SCUBE1: variants seen among roughly 807,000 people sequenced by gnomAD.
The protein encoded by SCUBE1 is signal peptide, CUB domain and EGF like domain containing 1, also known as signal peptide, CUB and EGF-like domain-containing protein 1.
SCUBE1 carries 59 observed loss-of-function variants against 124.4 expected under a neutral mutation model. The observed-to-expected ratio is 0.47, with a 90% CI of 0.38 to 0.59. The LOEUF is 0.59. SCUBE1 is among the 20% of genes least tolerant of loss of function. The pLI is 0.00. For missense variants in SCUBE1, 1,150 were observed against 1,371.2 expected, an observed-to-expected ratio of 0.84 and a Z score of 2.55; for synonymous variants, 545 against 550.9, an observed-to-expected ratio of 0.99 and a Z score of 0.15.
chr22:43,231,653 C>A, intron 8 of SCUBE1, 100 bp downstream of exon 8: 1 of 1,436,980 alleles, frequency 7.0e-7, no homozygotes, highest in South Asian at 1.3e-5. Flanking sequence ...CAGCCCCATC[C>A]GCATTCCCCT....
intron 21 of SCUBE1, among the ~76,000 whole-genome samples, chr22:43,204,899 G>A (rs932192727): frequency 4.0e-5 from 6 of 150,738 alleles, no homozygotes; most frequent in African/African-American, 1.5e-4. Flanking sequence ...AGCCGAGAGT[G>A]TGCCACTGCA....
chr22:43,217,109 CCCACCCCCCAT>C (rs1384933692), intron 15 of SCUBE1, among the ~76,000 whole-genome samples: 2 of 105,840 alleles, frequency 1.9e-5, no homozygotes, highest in Admixed American at 8.1e-5. Flanking sequence ...TCCCCCAACC[CCCACCCCCCAT>C]CCGCCAGGTG....
chr22:43,288,940 T>TAAG (rs1925252168), intron 4 of SCUBE1, among the ~76,000 whole-genome samples: 1 of 152,150 alleles, frequency 6.6e-6, no homozygotes, highest in African/African-American at 2.4e-5. Flanking sequence ...TAGGGGACGC[T>TAAG]AAGGTTTGTA....
At chr22:43,205,405 G>T (rs1038123807) in intron 21 of SCUBE1, among the ~76,000 whole-genome samples, 15 of 151,998 alleles carry the variant, frequency 9.9e-5, no homozygotes, top group Admixed American at 2.0e-4. Flanking sequence ...CCTGGCGGAG[G>T]TCTGGTTCCT....
intron 6 of SCUBE1, among the ~76,000 whole-genome samples, chr22:43,240,698 G>C (rs1286687687): frequency 1.3e-5 from 2 of 152,210 alleles, no homozygotes; most frequent in African/African-American, 4.8e-5. Context: ...CCGCTTACAA[G>C]GGCCTGGCTT....
intron 3 of SCUBE1, among the ~76,000 whole-genome samples, chr22:43,298,156 C>T (rs1037080353): frequency 1.3e-5 from 2 of 152,228 alleles, no homozygotes; most frequent in Non-Finnish European, 2.9e-5. Context: ...AAATGAGAAC[C>T]AGATGGATTA....
intron 2 of SCUBE1, among the ~76,000 whole-genome samples, chr22:43,333,806 T>C (rs972676926): frequency 6.6e-6 from 1 of 152,164 alleles, no homozygotes; most frequent in African/African-American, 2.4e-5. Flanking sequence ...TCACTTTACC[T>C]CTCCATGCCT....
rs772470391 is a variant in SCUBE1 at position 43,207,102 on chromosome 22, C to T, written c.2814+432G>A. ...AGTACCCACCATGTGACACACCAGG[C>T]GGCCCTGCCTCTCCAGGCTGGAAGC... is the stretch of plus-strand genomic sequence containing the variant. On this transcript the variant is annotated intron_variant, in intron 21 of 21. Coordinates refer to ENST00000360835, the MANE Select transcript of SCUBE1 (RefSeq NM_173050.5). Among the ~76,000 whole-genome samples the T allele has an allele frequency of 6.6e-5, 10 of 152,288 alleles. No individual in the cohort carries two copies. In the East Asian group the frequency reaches 1.7e-3, roughly 26 times the overall value.
At chr22:43,267,126 G>C (rs957243936) in intron 4 of SCUBE1, among the ~76,000 whole-genome samples, 1 of 152,200 alleles carries the variant, frequency 6.6e-6, no homozygotes, top group African/African-American at 2.4e-5. Flanking sequence ...ATTCTGCCTC[G>C]TAGGAAATCG....
chr22:43,339,010 C>G (rs2146804507), intron 2 of SCUBE1, 94 bp downstream of exon 2: 4 of 1,433,974 alleles, frequency 2.8e-6, no homozygotes, highest in Middle Eastern at 3.6e-4. Flanking sequence ...GCTGGAGGCT[C>G]AGCCCCAGCT....
At chr22:43,265,714 G>A (rs539271529) in intron 4 of SCUBE1, among the ~76,000 whole-genome samples, 3 of 152,334 alleles carry the variant, frequency 2.0e-5, no homozygotes, top group Admixed American at 6.5e-5. Context: ...TCTGATGGAC[G>A]TGTTTATGTG....
rs1266625595 is a variant in SCUBE1, at chr22:43,255,970, C to T, written c.727+2249G>A. ...TACGGAGACACAAGTGATTACAGAC[C>T]CCCGTGGCTCAGGCTGGAGAGGCAG... On this transcript the variant is annotated intron_variant, in intron 6 of 21. Transcript: ENST00000360835. This position sits in a 1 kb window ranked among gnomAD's most constrained non-coding sequence, Gnocchi z 4.7. 6.6e-6 allele frequency among the ~76,000 whole-genome samples: 1 copy of T among 152,070 alleles called. No individual in the cohort carries two copies. The highest frequency in any genetic ancestry group is 1.5e-5 in the Non-Finnish European group (1 of 68,014).
intron 1 of SCUBE1, among the ~76,000 whole-genome samples, 191 bp downstream of exon 1, chr22:43,342,983 G>A (rs1440747655): frequency 6.7e-6 from 1 of 149,962 alleles, no homozygotes; most frequent in African/African-American, 2.4e-5. Context: ...CCGGACTCAG[G>A]AGCCCCGGCC....
At chr22:43,269,091 C>T (rs1386285631) in intron 4 of SCUBE1, among the ~76,000 whole-genome samples, 1 of 152,154 alleles carries the variant, frequency 6.6e-6, no homozygotes, top group African/African-American at 2.4e-5. Flanking sequence ...GATGAGCGGG[C>T]ATCACCGTGC....
intron 4 of SCUBE1, among the ~76,000 whole-genome samples, chr22:43,265,203 C>T (rs1306930544): frequency 6.6e-6 from 1 of 152,212 alleles, no homozygotes; most frequent in Non-Finnish European, 1.5e-5. Context: ...TTTCAGTTTT[C>T]TCCCTCGTCG....
intron 4 of SCUBE1, among the ~76,000 whole-genome samples, chr22:43,269,071 C>T (rs889791695): frequency 3.3e-5 from 5 of 152,160 alleles, no homozygotes; most frequent in Admixed American, 3.3e-4. Flanking sequence ...TGGACCCTCA[C>T]AACAAGCCTG....
chr22:43,319,786 C>T, intron 3 of SCUBE1, 151 bp downstream of exon 3: 2 of 866,164 alleles, frequency 2.3e-6, no homozygotes, highest in South Asian at 2.0e-5. Flanking sequence ...TCTAAGCCAC[C>T]CAGTCTGTGG....
intron 4 of SCUBE1, among the ~76,000 whole-genome samples, chr22:43,276,220 T>G (rs1459022426): frequency 6.6e-6 from 1 of 152,104 alleles, no homozygotes; most frequent in Non-Finnish European, 1.5e-5. Flanking sequence ...CAGTTGGTAC[T>G]GGGGTCAGAG....
Position 43,252,594 on chromosome 22 carries a change from C to G in SCUBE1, c.727+5625G>C, listed in dbSNP as rs530452553. Among the ~76,000 whole-genome samples, 5 of 152,338 alleles carry G rather than the reference C, an allele frequency of 3.3e-5. No individual in the cohort carries two copies. In the East Asian group the frequency reaches 5.8e-4, roughly 18 times the overall value. The stretch of plus-strand genomic sequence containing the variant: ...CCTGTGCCTGTCCTACCCTTCTCCC[C>G]TCCCGGAACCCCGAAAGGGGCTCAG... On this transcript the variant is annotated intron_variant, in intron 6 of 21. Coordinates refer to ENST00000360835, the MANE Select transcript of SCUBE1 (RefSeq NM_173050.5).
Sources: allele counts gnomAD v4.1 joint callset (sites outside exome capture counted in the v4.1 genomes callset), GRCh38; gene constraint gnomAD v4.1.1; non-coding constraint Gnocchi (gnomAD v3.1); transcripts MANE v1.5; gene names NCBI Gene and HGNC (gene_info 2026-07-23, HGNC 2026-07-21).